The following ANKRD30A variants were observed in gnomAD, a reference collection of about 807,000 sequenced individuals.
ANKRD30A encodes ankyrin repeat domain-containing protein 30A.
In ANKRD30A, 170 loss-of-function variants were observed where a neutral mutation model predicts 166.3. The observed-to-expected ratio is 1.02, with a 90% CI of 0.90 to 1.16. The LOEUF (loss-of-function observed/expected upper bound fraction) is 1.16. ANKRD30A is among the 50% of genes most tolerant of loss of function. ANKRD30A has a pLI of 0.00. For synonymous variants in ANKRD30A, 564 were observed against 508.9 expected, an observed-to-expected ratio of 1.11 and a Z score of -1.46; for missense variants, 1,630 against 1,518.0, an observed-to-expected ratio of 1.07 and a Z score of -1.23.
chr10:37,155,757 T>C (rs974549922), intron 13 of ANKRD30A, among the ~76,000 whole-genome samples: 2 of 152,168 alleles, frequency 1.3e-5, no homozygotes, highest in African/African-American at 4.8e-5. Context: ...TGTTTAGTTT[T>C]TGTTCAGCGA....
intron 27 of ANKRD30A, among the ~76,000 whole-genome samples, chr10:37,195,753 A>C (rs1487239116): frequency 2.6e-5 from 4 of 152,064 alleles, no homozygotes; most frequent in African/African-American, 7.2e-5. Context: ...AATTAGCCGG[A>C]CGTGGTGGCA....
chr10:37,129,611 A>G lies in ANKRD30A; in HGVS notation c.222-282A>G, dbSNP rs1187282650. 1.1e-4 allele frequency among the ~76,000 whole-genome samples: 17 copies of G among 152,308 alleles called. No homozygotes were observed. The South Asian group carries it at 3.1e-3, about 28-fold the overall frequency. ...TTGATGAGAAAATTGAGGTGCAGAA[A>G]GTTTAAGTGACAGCTAGAAAGTGAA... On this transcript the variant is annotated intron_variant, in intron 1 of 35. Coordinates refer to ENST00000361713, the MANE Select transcript of ANKRD30A (RefSeq NM_052997.3).
At chr10:37,141,307 C>T (rs1837088810) in intron 6 of ANKRD30A, among the ~76,000 whole-genome samples, 1 of 152,062 alleles carries the variant, frequency 6.6e-6, no homozygotes, top group African/African-American at 2.4e-5. Flanking sequence ...CACAGTGGCT[C>T]ACTCCTGTAG....
the ANKRD30A span, among the ~76,000 whole-genome samples, chr10:37,237,845 A>G: frequency 6.6e-6 from 1 of 152,226 alleles, no homozygotes; most frequent in Non-Finnish European, 1.5e-5. Flanking sequence ...TTTGCCTTCC[A>G]TAATTTGTAC....
intron 8 of ANKRD30A, among the ~76,000 whole-genome samples, chr10:37,146,397 T>G (rs1837515045): frequency 6.6e-6 from 1 of 152,262 alleles, no homozygotes; most frequent in Non-Finnish European, 1.5e-5. Flanking sequence ...TTTTTAACAC[T>G]AAATAATTCT....
chr10:37,200,050 A>C (rs1182893277), intron 30 of ANKRD30A, among the ~76,000 whole-genome samples: 4 of 152,086 alleles, frequency 2.6e-5, no homozygotes, highest in Non-Finnish European at 5.9e-5. Context: ...CTAGAAATTC[A>C]CATGGGATCT....
intron 13 of ANKRD30A, among the ~76,000 whole-genome samples, chr10:37,154,427 A>C (rs1838206674): frequency 1.3e-5 from 2 of 152,190 alleles, no homozygotes; most frequent in Admixed American, 1.3e-4. Context: ...GCAAGAGGAG[A>C]GGCCTTTTGT....
intron 34 of ANKRD30A, among the ~76,000 whole-genome samples, chr10:37,222,449 A>G (rs1050669890): frequency 1.3e-5 from 2 of 151,218 alleles, no homozygotes; most frequent in Non-Finnish European, 3.0e-5. Context: ...CTTCATTTCT[A>G]TTTATTGTCA....
chr10:37,130,424 G>A, intron 3 of ANKRD30A, 46 bp downstream of exon 3: 1 of 1,375,230 alleles, frequency 7.3e-7, no homozygotes, highest in Non-Finnish European at 9.6e-7. Context: ...AAATCCATTT[G>A]TTTTAACATT....
In ANKRD30A at chr10:37,145,049, A is replaced by T. The variant is rs762483091; in HGVS notation, c.1448A>T (p.Asp483Val). 1 of 1,588,994 alleles carries T rather than the reference A, an allele frequency of 6.3e-7. No homozygotes were observed. Among genetic ancestry groups the T allele is most frequent in the South Asian group, 1.2e-5 (1 of 86,270 alleles). The change falls in exon 8 of 36, where the codon GAT becomes GTT. Residue 483 changes from aspartate to valine, a missense_variant. Physicochemically the swap from Asp to Val is radical, Grantham distance 152. Coordinates refer to ENST00000361713, the MANE Select transcript of ANKRD30A (RefSeq NM_052997.3). The stretch of plus-strand genomic sequence containing the variant: ...GAGGAAGATGAAGAATATTCTTGTG[A>T]TTCTCGGGTATTGTGTATTATTGAT... ...KQEEDEEYSC[D>V]SRSLFESSAK...
rs368802120 is a variant in ANKRD30A at position 37,193,709 on chromosome 10, T to G, written c.2614+451T>G. 4.5e-3 allele frequency among the ~76,000 whole-genome samples: 683 copies of G among 152,032 alleles called. 5 individuals are homozygous for G. Among genetic ancestry groups the G allele is most frequent in the African/African-American group, 0.014 (595 of 41,370 alleles). On this transcript the variant is annotated intron_variant, in intron 27 of 35. Coordinates refer to ENST00000361713, the MANE Select transcript of ANKRD30A (RefSeq NM_052997.3). ...TTTTTTTTATTAGATGACTGTGTGT[T>G]TGTGTGACTTATAATTTTAAAAAAT...
intron 31 of ANKRD30A, among the ~76,000 whole-genome samples, chr10:37,203,672 A>T (rs1425636239): frequency 6.6e-6 from 1 of 152,218 alleles, no homozygotes; most frequent in African/African-American, 2.4e-5. Flanking sequence ...ATGGTATTCA[A>T]TAAGGAATAG....
chr10:37,178,635 G>A (rs1157999831), intron 24 of ANKRD30A: 1 of 947,412 alleles, frequency 1.1e-6, no homozygotes, highest in East Asian at 1.1e-4. Flanking sequence ...TTAGTCAGGG[G>A]AGAAGAAGAA....
the ANKRD30A span, among the ~76,000 whole-genome samples, chr10:37,260,262 G>C: frequency 6.6e-6 from 1 of 152,144 alleles, no homozygotes; most frequent in South Asian, 2.1e-4. Flanking sequence ...CTAATACAGT[G>C]ATTTGCTGCC....
intron 1 of ANKRD30A, among the ~76,000 whole-genome samples, chr10:37,127,494 TA>T (rs1588734466): frequency 6.6e-6 from 1 of 152,226 alleles, no homozygotes; most frequent in East Asian, 1.9e-4. Context: ...CTTGTAAAAA[TA>T]TTTACTACAT....
At chr10:37,195,208 T>A (rs1261232193) in intron 27 of ANKRD30A, among the ~76,000 whole-genome samples, 2 of 152,212 alleles carry the variant, frequency 1.3e-5, no homozygotes, top group East Asian at 1.9e-4. Flanking sequence ...CTCTTGTATA[T>A]GAAATAATGT....
intron 4 of ANKRD30A, 92 bp downstream of exon 4, chr10:37,132,438 AATTGTT>A: frequency 1.4e-6 from 1 of 726,178 alleles, no homozygotes; most frequent in South Asian, 3.0e-5. Flanking sequence ...ATTTACTTAA[AATTGTT>A]AGATTATGTG....
At chr10:37,192,955 T>A (rs867540276) in intron 25 of ANKRD30A, 109 bp from the exon 26 acceptor site, 35 of 1,478,526 alleles carry the variant, frequency 2.4e-5, no homozygotes, top group Middle Eastern at 2.4e-4. Context: ...GTGTAATCCC[T>A]TTTGCAATCC....
At chr10:37,183,545 G>A (rs1195526160) in intron 24 of ANKRD30A, among the ~76,000 whole-genome samples, 1 of 146,674 alleles carries the variant, frequency 6.8e-6, no homozygotes, top group Admixed American at 6.9e-5. Flanking sequence ...TCAAAATTTT[G>A]TTTATAATGA....
Sources: gnomAD v4.1 joint callset for allele counts (sites outside exome capture counted in the v4.1 genomes callset) on GRCh38, gnomAD v4.1.1 for gene constraint, MANE v1.5 for transcripts, NCBI Gene and HGNC (gene_info 2026-07-23, HGNC 2026-07-21) for gene names.